The following GPC3 variants were observed in gnomAD, a reference collection of about 807,000 sequenced individuals.
The protein encoded by GPC3 is glypican 3, also known as glypican-3.
GPC3 carries 3 observed loss-of-function variants against 34.4 expected under a neutral mutation model. The observed-to-expected ratio is 0.09, with a 90% confidence interval of 0.04 to 0.23. GPC3 has a LOEUF of 0.23. Ranked by LOEUF, GPC3 falls within the 10% of genes least tolerant of loss-of-function variation. GPC3 has a pLI of 1.00. For synonymous variants in GPC3, 177 were observed against 174.0 expected, an observed-to-expected ratio of 1.02 and a Z score of -0.13; for missense variants, 351 against 445.6, an observed-to-expected ratio of 0.79 and a Z score of 1.91.
chrX:133,792,375 A>G (rs2072174183), intron 2 of GPC3, among the ~76,000 whole-genome samples: 1 of 111,678 alleles, frequency 9.0e-6, no homozygotes, highest in African/African-American at 3.3e-5. Flanking sequence ...CAAACATAGT[A>G]GATGCTCAAT....
At chrX:133,845,564 G>A (rs2075843935) in intron 2 of GPC3, among the ~76,000 whole-genome samples, 1 of 111,603 alleles carries the variant, frequency 9.0e-6, no homozygotes, top group South Asian at 3.8e-4. Flanking sequence ...TTTCTCTTGA[G>A]CTGAACAATG....
At chrX:133,835,025 GTT>G (rs1425352122) in intron 2 of GPC3, among the ~76,000 whole-genome samples, 2 of 112,143 alleles carry the variant, frequency 1.8e-5, no homozygotes, top group East Asian at 5.6e-4. Context: ...TGGTTCCTTA[GTT>G]GGTATCCTTG....
intron 6 of GPC3, among the ~76,000 whole-genome samples, chrX:133,626,642 G>T (rs1476986317): frequency 9.2e-6 from 1 of 108,655 alleles, no homozygotes; most frequent in Non-Finnish European, 1.9e-5. Context: ...TTAGAATGGC[G>T]ATCATTAAAA....
At chrX:133,867,106 G>C (rs1188759383) in intron 2 of GPC3, among the ~76,000 whole-genome samples, 2 of 110,369 alleles carry the variant, frequency 1.8e-5, no homozygotes, top group Non-Finnish European at 3.8e-5. Flanking sequence ...GCTGAGGCAG[G>C]AGAATCACTT....
At chrX:133,918,668 G>A (rs2076234941) in intron 2 of GPC3, among the ~76,000 whole-genome samples, 1 of 111,752 alleles carries the variant, frequency 8.9e-6, no homozygotes, top group Admixed American at 9.6e-5. Flanking sequence ...CTAGTGTATG[G>A]TCCATGTGAA....
chrX:133,622,816 A>G (rs1016889404), intron 6 of GPC3, among the ~76,000 whole-genome samples: 2 of 111,362 alleles, frequency 1.8e-5, no homozygotes, highest in African/African-American at 6.5e-5. Context: ...AATACAGAGA[A>G]CGCCACAAAG....
chrX:133,557,773 C>A (rs2053916718), intron 7 of GPC3, among the ~76,000 whole-genome samples: 1 of 111,458 alleles, frequency 9.0e-6, no homozygotes, highest in African/African-American at 3.3e-5. Flanking sequence ...CTGAGACCCA[C>A]TTGACCGAGA....
chrX:133,708,614 C>T (rs1569418244), intron 3 of GPC3, among the ~76,000 whole-genome samples: 1 of 111,707 alleles, frequency 9.0e-6, no homozygotes, highest in Non-Finnish European at 1.9e-5. Flanking sequence ...AGTGTACCCT[C>T]TAATCTGTAA....
intron 2 of GPC3, among the ~76,000 whole-genome samples, chrX:133,842,197 G>T (rs1403622884): frequency 9.1e-6 from 1 of 109,326 alleles, no homozygotes; most frequent in Non-Finnish European, 1.9e-5. Context: ...GGCACCTGTA[G>T]TCCCAGCTAC....
At chrX:133,753,362 C>T in intron 3 of GPC3, 120 bp downstream of exon 3, 1 of 572,812 alleles carries the variant, frequency 1.7e-6, no homozygotes, top group Non-Finnish European at 3.1e-6. Flanking sequence ...GTCATTCAGT[C>T]CATCATCACC....
At chrX:133,790,645 C>T (rs2072151428) in intron 2 of GPC3, among the ~76,000 whole-genome samples, 1 of 111,215 alleles carries the variant, frequency 9.0e-6, no homozygotes, top group Admixed American at 9.6e-5. Flanking sequence ...CCCACTCTAC[C>T]CCTGTGCAGC....
intron 2 of GPC3, among the ~76,000 whole-genome samples, chrX:133,765,922 A>G (rs1300064350): frequency 8.9e-6 from 1 of 111,827 alleles, no homozygotes; most frequent in African/African-American, 3.3e-5. Context: ...CCAAAGCCTT[A>G]GTCATTCATA....
At chrX:133,627,269 A>T (rs113835690) in intron 6 of GPC3, among the ~76,000 whole-genome samples, 4 of 109,874 alleles carry the variant, frequency 3.6e-5, no homozygotes, top group African/African-American at 6.6e-5. Flanking sequence ...CATATGTAAC[A>T]AACCTGCACG....
At chrX:133,561,759 C>T (rs1363877538) in intron 7 of GPC3, among the ~76,000 whole-genome samples, 1 of 111,963 alleles carries the variant, frequency 8.9e-6, no homozygotes, top group African/African-American at 3.2e-5. Context: ...ACATTAATTT[C>T]TTTATGTTAA....
At chrX:133,673,480 A>G (rs2070853306) in intron 5 of GPC3, among the ~76,000 whole-genome samples, 2 of 112,584 alleles carry the variant, frequency 1.8e-5, no homozygotes, top group East Asian at 5.6e-4. Context: ...TACCTCAACA[A>G]CATGAGGGCA....
intron 7 of GPC3, among the ~76,000 whole-genome samples, chrX:133,576,698 A>G (rs1019292501): frequency 9.0e-6 from 1 of 111,226 alleles, no homozygotes; most frequent in African/African-American, 3.3e-5. Flanking sequence ...ATTAGTAAAT[A>G]ACAATCTGCT....
intron 5 of GPC3, among the ~76,000 whole-genome samples, chrX:133,684,919 T>C (rs1277615643): frequency 9.1e-6 from 1 of 109,439 alleles, no homozygotes; most frequent in African/African-American, 3.3e-5. Context: ...ACTACTAGAT[T>C]GAAGATTCTG....
At chrX:133,699,461 A>G (rs1353995134) in intron 4 of GPC3, among the ~76,000 whole-genome samples, 2 of 111,934 alleles carry the variant, frequency 1.8e-5, no homozygotes, top group Non-Finnish European at 3.8e-5. Flanking sequence ...TCATTTTATC[A>G]TTTTTAAAAG....
At chrX:133,867,569 C>T (rs1043110783) in intron 2 of GPC3, among the ~76,000 whole-genome samples, 5 of 108,731 alleles carry the variant, frequency 4.6e-5, no homozygotes, top group Admixed American at 2.0e-4. Flanking sequence ...TCCTCTCTAT[C>T]CCCATAATAT....
Sources: gnomAD v4.1 joint callset for allele counts (sites outside exome capture counted in the v4.1 genomes callset) on GRCh38, gnomAD v4.1.1 for gene constraint, MANE v1.5 for transcripts, NCBI Gene and HGNC (gene_info 2026-07-23, HGNC 2026-07-21) for gene names.